The following THSD4 variants were observed in gnomAD, a reference collection of about 807,000 sequenced individuals.
THSD4 encodes thrombospondin type-1 domain-containing protein 4.
A neutral mutation model predicts 119.0 loss-of-function variants in THSD4; 69 were observed. The observed-to-expected ratio is 0.58, with a 90% CI of 0.48 to 0.71. THSD4 has a LOEUF of 0.71. THSD4 is among the 30% of genes least tolerant of loss of function. THSD4 has a pLI of 0.00. For synonymous variants in THSD4, 524 were observed against 540.4 expected (o/e 0.97, Z 0.42); for missense variants, 1,393 against 1,391.1 (o/e 1.00, Z -0.02).
intron 4 of THSD4, among the ~76,000 whole-genome samples, chr15:71,239,470 A>C (rs532480028): frequency 6.6e-6 from 1 of 152,306 alleles, no homozygotes; most frequent in East Asian, 1.9e-4. Flanking sequence ...CAAACCCCAG[A>C]AAGCTGGCCT....
At chr15:71,374,455 A>C (rs997556956) in intron 6 of THSD4, among the ~76,000 whole-genome samples, 1 of 152,196 alleles carries the variant, frequency 6.6e-6, no homozygotes, top group Non-Finnish European at 1.5e-5. Context: ...CTATATATGA[A>C]TAATTGGATG....
chr15:71,268,587 G>C (rs1426802841), intron 6 of THSD4, among the ~76,000 whole-genome samples: 4 of 149,296 alleles, frequency 2.7e-5, no homozygotes, highest in Admixed American at 6.7e-5. Flanking sequence ...GCTAGCAGAA[G>C]ACAAGAAATA....
chr15:71,716,582 T>TGTGTGTGTGTGTGTGTGTGTGTG (rs2052613295), intron 8 of THSD4, among the ~76,000 whole-genome samples: 1 of 29,266 alleles, frequency 3.4e-5, no homozygotes, highest in Non-Finnish European at 7.5e-5. Flanking sequence ...GTGTGTGTGT[T>TGTGTGTGTGTGTGTGTGTGTGTG]GGTTTTTGTT....
At chr15:71,337,345 C>T (rs1282965680) in intron 6 of THSD4, among the ~76,000 whole-genome samples, 2 of 152,158 alleles carry the variant, frequency 1.3e-5, no homozygotes, top group African/African-American at 4.8e-5. Flanking sequence ...TTGTGGGAGC[C>T]AGGAGTGAAA....
intron 7 of THSD4, among the ~76,000 whole-genome samples, chr15:71,470,493 A>G (rs1354051800): frequency 1.3e-5 from 2 of 152,224 alleles, no homozygotes; most frequent in African/African-American, 4.8e-5. Context: ...TTTTATGTCT[A>G]TTAATTCATT....
chr15:71,201,687 G>C (rs984846894), intron 3 of THSD4, among the ~76,000 whole-genome samples: 6 of 152,246 alleles, frequency 3.9e-5, no homozygotes, highest in Non-Finnish European at 8.8e-5. Context: ...CTAATGGAGA[G>C]AGTGTTTGCA....
chr15:71,604,917 A>G (rs2050080988), intron 7 of THSD4, among the ~76,000 whole-genome samples: 1 of 152,180 alleles, frequency 6.6e-6, no homozygotes, highest in African/African-American at 2.4e-5. Flanking sequence ...GAGAAAAATA[A>G]AGCAATAAAG....
chr15:71,482,877 A>G (rs1002752327), intron 7 of THSD4, among the ~76,000 whole-genome samples: 4 of 152,108 alleles, frequency 2.6e-5, no homozygotes, highest in African/African-American at 9.7e-5. Context: ...ATGAGCCACC[A>G]CGCCTGGCCT....
At chr15:71,313,496 G>T (rs2045141098) in intron 6 of THSD4, among the ~76,000 whole-genome samples, 1 of 152,144 alleles carries the variant, frequency 6.6e-6, no homozygotes, top group Admixed American at 6.5e-5. Context: ...CTGAGGGAGG[G>T]TCGGGGGAGA....
At chr15:71,199,702 G>GCA (rs2043767549) in intron 3 of THSD4, among the ~76,000 whole-genome samples, 27 of 13,070 alleles carry the variant, frequency 2.1e-3, no homozygotes, top group Admixed American at 3.1e-3. Context: ...TGTGTGTGGT[G>GCA]TCTGGGTGTG....
Position 71,242,657 on chromosome 15 carries a change from C to A in THSD4, c.473C>A (p.Thr158Asn). 1.2e-6 allele frequency: 2 copies of A among 1,613,774 alleles called. No homozygotes were observed. The highest frequency in any genetic ancestry group is 1.7e-4 in the Middle Eastern group (1 of 6,060). The change falls in exon 5 of 18, where the codon ACC becomes AAC. Residue 158 changes from threonine to asparagine, a missense_variant. Physicochemically the swap from Thr to Asn is moderately conservative, Grantham distance 65. Coordinates refer to ENST00000261862, the MANE Select transcript of THSD4 (RefSeq NM_024817.3). ...TGTCTATCTCTCTTTAGGAGCAGGA[C>A]CCGTGGTACCATTGGCCCTGGCAAG... ...LEVTGDRRSR[T>N]RGTIGPGKYG...
At chr15:71,772,941 G>C (rs117798531) in intron 17 of THSD4, among the ~76,000 whole-genome samples, 2,721 of 152,190 alleles carry the variant, frequency 0.018, 45 homozygotes, top group South Asian at 0.039. Flanking sequence ...GGATGCAATG[G>C]CTCACACCTG....
chr15:71,363,240 A>G (rs955462246), intron 6 of THSD4, among the ~76,000 whole-genome samples: 1 of 152,226 alleles, frequency 6.6e-6, no homozygotes. Flanking sequence ...AAAAGCAGCC[A>G]TAGATAGTAC....
intron 2 of THSD4, among the ~76,000 whole-genome samples, chr15:71,151,784 T>C (rs568161865): frequency 6.6e-6 from 1 of 152,336 alleles, no homozygotes; most frequent in Non-Finnish European, 1.5e-5. Context: ...CTGTGTGTAA[T>C]GAACAGGCTC....
chr15:71,401,558 C>T (rs2046533079), intron 6 of THSD4, among the ~76,000 whole-genome samples: 2 of 152,064 alleles, frequency 1.3e-5, no homozygotes, highest in Non-Finnish European at 2.9e-5. Context: ...TGGGTTTTTA[C>T]ATTTCACATT....
chr15:71,508,951 T>TTTTC (rs1555421809), intron 7 of THSD4, among the ~76,000 whole-genome samples: 71 of 151,092 alleles, frequency 4.7e-4, no homozygotes, highest in Admixed American at 1.1e-3. Context: ...TTTTTTTTTT[T>TTTTC]CAAAAAAGGA....
chr15:71,120,329 C>G (rs1284149714), intron 1 of THSD4, among the ~76,000 whole-genome samples: 1 of 152,234 alleles, frequency 6.6e-6, no homozygotes, highest in African/African-American at 2.4e-5. Context: ...GGAAAGTGGT[C>G]TCTTTCTGTT....
At chr15:71,330,112 A>G (rs2045402596) in intron 6 of THSD4, among the ~76,000 whole-genome samples, 1 of 150,664 alleles carries the variant, frequency 6.6e-6, no homozygotes, top group Admixed American at 6.6e-5. Flanking sequence ...GACCACCATG[A>G]TTGTTCTAGT....
At chr15:71,430,268 A>G (rs898796324) in intron 7 of THSD4, among the ~76,000 whole-genome samples, 3 of 152,182 alleles carry the variant, frequency 2.0e-5, no homozygotes, top group Non-Finnish European at 4.4e-5. Context: ...CTGAAATGTA[A>G]CTTTTCTCTC....
Sources: gnomAD v4.1 joint callset for allele counts (sites outside exome capture counted in the v4.1 genomes callset) on GRCh38, gnomAD v4.1.1 for gene constraint, MANE v1.5 for transcripts, NCBI Gene and HGNC (gene_info 2026-07-23, HGNC 2026-07-21) for gene names.